Variants in UNC93A observed in about 807,000 individuals in gnomAD.
UNC93A encodes unc-93 homolog A, also known as N-acetylglucosamine transporter UNC93A.
Under a neutral mutation model 47.5 loss-of-function variants are expected in UNC93A, and 43 were observed. The observed-to-expected ratio is 0.91, with a 90% CI of 0.71 to 1.17. The LOEUF (loss-of-function observed/expected upper bound fraction) is 1.17, where lower values mean the gene tolerates loss of function less well. UNC93A is among the 50% of genes most tolerant of loss of function. UNC93A has a pLI of 0.00. For missense variants in UNC93A, 605 were observed against 577.6 expected (o/e 1.05, Z -0.49); for synonymous variants, 280 against 258.0 (o/e 1.09, Z -0.82).
rs1056698320 is a variant in UNC93A, at chr6:167,302,226, C to T, written c.626-1693C>T. 3.3e-5 allele frequency among the ~76,000 whole-genome samples: 5 copies of T among 152,244 alleles called. No homozygotes were observed. In the South Asian group the frequency reaches 6.2e-4, roughly 19 times the overall value. On this transcript the variant is annotated intron_variant, in intron 4 of 7. Coordinates refer to ENST00000230256, the MANE Select transcript of UNC93A (RefSeq NM_018974.4). ...TTTGCAAACCTCCCAGTTTCAGGAA[C>T]GCTCAGCTGCCGGGCACAGTGCTGC... is the stretch of plus-strand genomic sequence containing the variant.
chr6:167,295,062 T>G (rs1025821090), intron 2 of UNC93A, among the ~76,000 whole-genome samples: 1 of 152,182 alleles, frequency 6.6e-6, no homozygotes, highest in Non-Finnish European at 1.5e-5. Context: ...CCTAGGCAGA[T>G]GTCACCAATG....
chr6:167,270,920 TC>T (rs1783441393), upstream of UNC93A, among the ~76,000 whole-genome samples: 1 of 152,104 alleles, frequency 6.6e-6, no homozygotes, highest in South Asian at 2.1e-4. Flanking sequence ...TGTGGCGACC[TC>T]AAGAAACTAA....
rs550996816 is a variant in UNC93A at position 167,297,376 on chromosome 6, T to G, written c.500-569T>G. ...TGTGTTATTAAAATAATAAAAACAC[T>G]GAATATTCTTTCTCCCACCACATCT... is the stretch of plus-strand genomic sequence containing the variant. On this transcript the variant is annotated intron_variant, in intron 3 of 7. Transcript: ENST00000230256. 6.6e-5 allele frequency among the ~76,000 whole-genome samples: 10 copies of G among 151,424 alleles called. No homozygotes were observed. In the South Asian group the frequency reaches 1.9e-3, roughly 29 times the overall value.
At chr6:167,269,840 C>A (rs1783422682), upstream of UNC93A, among the ~76,000 whole-genome samples, 1 of 152,044 alleles carries the variant, frequency 6.6e-6, no homozygotes, top group Non-Finnish European at 1.5e-5. Context: ...TGGTCTCTAT[C>A]TCCTGACCTC....
intron 7 of UNC93A, among the ~76,000 whole-genome samples, chr6:167,314,951 G>A (rs891513035): frequency 6.6e-6 from 1 of 152,158 alleles, no homozygotes; most frequent in Admixed American, 6.5e-5. Flanking sequence ...CTGAGGCTGT[G>A]TCACGGGCAC....
rs201004583 is a variant in UNC93A, at chr6:167,294,615, C to G, written c.186C>G (p.Ile62Met). The change falls in exon 2 of 8, where the codon ATC (isoleucine) becomes ATG (methionine). Residue 62 changes from isoleucine (I) to methionine (M), a missense_variant. Coordinates refer to ENST00000230256, the MANE Select transcript of UNC93A (RefSeq NM_018974.4). ...CCATGTTCCTCCCACCGCTCCTCAT[C>G]GAGAGGCTGGGCTGCAAGGGGACCA... is the stretch of plus-strand genomic sequence containing the variant. ...LSSMFLPPLL[I>M]ERLGCKGTII... 3.7e-6 allele frequency: 6 copies of G among 1,613,914 alleles called. No homozygotes were observed. Among genetic ancestry groups the G allele is most frequent in the African/African-American group, 1.3e-5 (1 of 75,002 alleles).
intron 1 of UNC93A, among the ~76,000 whole-genome samples, chr6:167,279,499 T>C (rs1407929622): frequency 1.3e-5 from 2 of 152,230 alleles, no homozygotes; most frequent in Non-Finnish European, 1.5e-5. Context: ...GTGCAAGTCA[T>C]GATTTTACCT....
chr6:167,307,958 C>T, intron 7 of UNC93A, 48 bp downstream of exon 7: 2 of 1,605,910 alleles, frequency 1.2e-6, no homozygotes, highest in Non-Finnish European at 1.7e-6. Context: ...AGGGGGCGGT[C>T]CCTGGCCAAG....
At chr6:167,281,389 G>A (rs911229429) in intron 1 of UNC93A, among the ~76,000 whole-genome samples, 1 of 152,196 alleles carries the variant, frequency 6.6e-6, no homozygotes, top group African/African-American at 2.4e-5. Flanking sequence ...CTGGCCAGGA[G>A]TGAGAATGGA....
intron 7 of UNC93A, among the ~76,000 whole-genome samples, chr6:167,313,590 A>G (rs1778613653): frequency 1.3e-5 from 2 of 152,160 alleles, no homozygotes; most frequent in South Asian, 4.1e-4. Flanking sequence ...TCATCTTGAA[A>G]TTCTTGAATG....
intron 5 of UNC93A, among the ~76,000 whole-genome samples, chr6:167,304,366 C>T (rs2072762): frequency 0.26 from 39,518 of 152,108 alleles, 5,175 homozygotes; most frequent in Middle Eastern, 0.32. Context: ...CAAGGGAGAA[C>T]GTCTTGCTTG....
chr6:167,284,137 A>G (rs77389693), intron 1 of UNC93A, among the ~76,000 whole-genome samples: 2,280 of 145,610 alleles, frequency 0.016, 61 homozygotes, highest in African/African-American at 0.056. Context: ...GGGCAGCCCC[A>G]CAGAACAAGC....
intron 7 of UNC93A, among the ~76,000 whole-genome samples, chr6:167,313,975 A>G (rs888857107): frequency 2.0e-5 from 3 of 152,228 alleles, no homozygotes; most frequent in African/African-American, 7.2e-5. Context: ...TGAGGCTTCC[A>G]AAGAGCTTCT....
At chr6:167,290,100 G>T (rs2115105807), upstream of UNC93A, among the ~76,000 whole-genome samples, 1 of 152,248 alleles carries the variant, frequency 6.6e-6, no homozygotes, top group African/African-American at 2.4e-5. Flanking sequence ...GAGGAAACAG[G>T]TTCGGTGACT....
chr6:167,274,588 A>G (rs548249830), intron 1 of UNC93A, among the ~76,000 whole-genome samples: 1 of 152,254 alleles, frequency 6.6e-6, no homozygotes, highest in African/African-American at 2.4e-5. Flanking sequence ...TAGTGCCTGC[A>G]GTTGATGTTT....
At chr6:167,279,984 A>G (rs932224682) in intron 1 of UNC93A, among the ~76,000 whole-genome samples, 13 of 152,208 alleles carry the variant, frequency 8.5e-5, no homozygotes, top group Non-Finnish European at 1.9e-4. Flanking sequence ...TCACTGTGAG[A>G]TTGTGTAATA....
In UNC93A at chr6:167,315,490, C is replaced by T. The variant is rs1399752465; in HGVS notation, c.*38C>T. 1.2e-6 allele frequency: 2 copies of T among 1,613,702 alleles called. No individual in the cohort carries two copies. Among genetic ancestry groups the T allele is most frequent in the African/African-American group, 1.3e-5 (1 of 75,022 alleles). On this transcript the variant is annotated 3_prime_UTR_variant, in exon 8 of 8. Transcript: ENST00000230256. Reference sequence around the variant, plus strand: ...CCGAGGAGGATGAACTCAGAAAGCACCAGCCAGAGAATTTTCTTAGAAGAT... The same window carrying T: ...CCGAGGAGGATGAACTCAGAAAGCATCAGCCAGAGAATTTTCTTAGAAGAT...
At chr6:167,281,944 T>C (rs1456859358) in intron 1 of UNC93A, among the ~76,000 whole-genome samples, 1 of 152,216 alleles carries the variant, frequency 6.6e-6, no homozygotes, top group African/African-American at 2.4e-5. Context: ...TGGTGACATG[T>C]AGATGACGAC....
rs1003410444 is a variant in UNC93A at position 167,315,722 on chromosome 6, C to T, written c.*270C>T. ...GAAAAAGGTCTAACGTACAATCAGC[C>T]AATTAGAATTTGCCTGAAATCATAG... is the stretch of plus-strand genomic sequence containing the variant. On this transcript the variant is annotated 3_prime_UTR_variant, in exon 8 of 8. Transcript: ENST00000230256. 19 of 327,524 alleles carry T rather than the reference C, an allele frequency of 5.8e-5. No homozygotes were observed. The highest frequency in any genetic ancestry group is 1.2e-4 in the African/African-American group (5 of 42,672). 20.3% of individuals were successfully genotyped at this position (327,524 alleles called of 1,614,324 possible).
Sources: gnomAD v4.1 joint callset for allele counts (sites outside exome capture counted in the v4.1 genomes callset) on GRCh38, gnomAD v4.1.1 for gene constraint, MANE v1.5 for transcripts, NCBI Gene and HGNC (gene_info 2026-07-23, HGNC 2026-07-21) for gene names.